The following TMEM164 variants were observed in gnomAD, a reference collection of about 807,000 sequenced individuals.
TMEM164 encodes RP13-360B22.2.
In TMEM164, 4 loss-of-function variants were observed where a neutral mutation model predicts 18.8. The ratio of observed to expected loss-of-function variants is 0.21; its 90% CI spans 0.10 to 0.49. The LOEUF (loss-of-function observed/expected upper bound fraction) is 0.49. Ranked by LOEUF, TMEM164 falls within the 20% of genes least tolerant of loss-of-function variation. TMEM164 has a pLI of 0.98. For missense variants in TMEM164, 108 were observed against 239.9 expected, an observed-to-expected ratio of 0.45 and a Z score of 3.63; for synonymous variants, 86 against 101.7, an observed-to-expected ratio of 0.85 and a Z score of 0.93.
intron 2 of TMEM164, among the ~76,000 whole-genome samples, chrX:110,042,762 T>A (rs1414180240): frequency 8.9e-6 from 1 of 112,405 alleles, no homozygotes; most frequent in African/African-American, 3.2e-5. Context: ...GTTTTGCATT[T>A]CCCTGATGAC....
At chrX:110,181,055 A>G (rs1012819382), downstream of TMEM164, among the ~76,000 whole-genome samples, 5 of 111,410 alleles carry the variant, frequency 4.5e-5, no homozygotes, top group Non-Finnish European at 7.5e-5. Flanking sequence ...CGGCGCTAAC[A>G]AGATACCTCT....
chrX:110,102,694 C>A (rs2066130254), intron 3 of TMEM164, among the ~76,000 whole-genome samples: 1 of 111,896 alleles, frequency 8.9e-6, no homozygotes, highest in African/African-American at 3.3e-5. Flanking sequence ...AATTCTCTAA[C>A]CCTTTCAGTA....
chrX:110,134,409 A>C (rs2066655490), intron 4 of TMEM164, among the ~76,000 whole-genome samples: 1 of 109,594 alleles, frequency 9.1e-6, no homozygotes, highest in Non-Finnish European at 1.9e-5. Context: ...CACACACACA[A>C]AATAGCCAAG....
At chrX:110,162,984 C>G (rs779476212) in intron 5 of TMEM164, among the ~76,000 whole-genome samples, 1 of 112,575 alleles carries the variant, frequency 8.9e-6, no homozygotes, top group African/African-American at 3.2e-5. Flanking sequence ...TTCCACTACT[C>G]CAACTTTAGT....
At chrX:110,060,738 T>C (rs774846380) in intron 2 of TMEM164, among the ~76,000 whole-genome samples, 2 of 111,883 alleles carry the variant, frequency 1.8e-5, no homozygotes, top group South Asian at 7.5e-4. Flanking sequence ...TCTTTGCCTT[T>C]CACAACCTTG....
At chrX:110,024,902 T>C (rs1463838212) in intron 2 of TMEM164, among the ~76,000 whole-genome samples, 2 of 111,884 alleles carry the variant, frequency 1.8e-5, no homozygotes, top group Admixed American at 9.5e-5. Context: ...GATCTTGTAT[T>C]CAGGAACACT....
Position 110,084,868 on chromosome X carries a change from T to A in TMEM164, c.440+17472T>A, listed in dbSNP as rs147329977. On this transcript the variant is annotated intron_variant, in intron 3 of 6. Coordinates refer to ENST00000372068, the MANE Select transcript of TMEM164 (RefSeq NM_032227.4). ...ATTTGATTGATTTTGCTCTCTGCTG[T>A]CTCCAATGTGAAATTTATTTATTTT... Among the ~76,000 whole-genome samples the A allele has an allele frequency of 6.4e-3, 712 of 110,459 alleles. 21 individuals are homozygous for A. Among genetic ancestry groups the A allele is most frequent in the Admixed American group, 0.052 (523 of 10,149 alleles).
intron 4 of TMEM164, among the ~76,000 whole-genome samples, chrX:110,116,833 TG>T (rs2066370981): frequency 9.6e-6 from 1 of 104,478 alleles, no homozygotes. Flanking sequence ...TGTGTGTGTG[TG>T]TGTGTGTGTG....
At chrX:110,040,236 C>A (rs1352954261) in intron 2 of TMEM164, among the ~76,000 whole-genome samples, 5 of 112,310 alleles carry the variant, frequency 4.5e-5, no homozygotes, top group Non-Finnish European at 9.4e-5. Context: ...AAAGTACATT[C>A]CACGGAGAGC....
chrX:110,171,440 C>T lies in TMEM164; in HGVS notation c.607C>T (p.Leu203Phe), dbSNP rs1464025950. 1 of 1,209,225 alleles carries T rather than the reference C, an allele frequency of 8.3e-7. No homozygotes were observed. The highest frequency in any genetic ancestry group is 2.2e-5 in the Admixed American group (1 of 45,975). The stretch of plus-strand genomic sequence containing the variant: ...TCCAGGTGCTTACACTCCAGAGCCC[C>T]TCAGCAGTTTCCGGTGGGCTCTTCT... ...WKGGAYTPEP[L>F]SSFRWALLST... The change falls in exon 6 of 7, where the codon CTC (leucine) becomes TTC (phenylalanine). Residue 203 changes from leucine (L) to phenylalanine (F), a missense_variant. Coordinates refer to ENST00000372068, the MANE Select transcript of TMEM164 (RefSeq NM_032227.4).
intron 2 of TMEM164, among the ~76,000 whole-genome samples, chrX:110,019,939 C>G (rs1933711802): frequency 8.9e-6 from 1 of 112,002 alleles, no homozygotes; most frequent in African/African-American, 3.2e-5. Flanking sequence ...CACTTCCATT[C>G]TTCTCTGAGT....
chrX:110,170,917 G>T (rs1274408583), intron 5 of TMEM164, among the ~76,000 whole-genome samples: 1 of 111,675 alleles, frequency 9.0e-6, no homozygotes, highest in African/African-American at 3.3e-5. Context: ...CACATGGCCC[G>T]TAAGCGGTAG....
intron 2 of TMEM164, among the ~76,000 whole-genome samples, chrX:110,028,935 G>A (rs1934326566): frequency 9.0e-6 from 1 of 111,454 alleles, no homozygotes; most frequent in Non-Finnish European, 1.9e-5. Flanking sequence ...TATTTTTGAG[G>A]TTGTGTTATT....
In TMEM164 at chrX:110,175,884, C is replaced by T; in HGVS notation, c.*2433C>T. The T allele has an allele frequency of 1.3e-6, 1 of 755,924 alleles. No homozygotes were observed. The highest frequency in any genetic ancestry group is 1.6e-6 in the Non-Finnish European group (1 of 639,955). The allele number at this position is 755,924 out of a possible 1,213,427, so 62.3% of individuals were successfully genotyped here. On this transcript the variant is annotated 3_prime_UTR_variant, in exon 7 of 7. Coordinates refer to ENST00000372068, the MANE Select transcript of TMEM164 (RefSeq NM_032227.4). ...AGAAGCAACCCAACCAGACTCTTGGCAGCCTGCCTTACAGGGTAGCCCACC... is the reference window on the plus strand; with the variant it reads ...AGAAGCAACCCAACCAGACTCTTGGTAGCCTGCCTTACAGGGTAGCCCACC...
intron 4 of TMEM164, among the ~76,000 whole-genome samples, chrX:110,123,326 G>A (rs1187729076): frequency 1.8e-5 from 2 of 112,368 alleles, no homozygotes; most frequent in African/African-American, 6.5e-5. Context: ...TAGCTTTGTA[G>A]AAAGCTTTGA....
Position 110,176,366 on chromosome X carries a change from A to G in TMEM164, c.*2915A>G. 2.6e-6 allele frequency: 2 copies of G among 756,538 alleles called. No individual in the cohort carries two copies. The highest frequency in any genetic ancestry group is 7.8e-4 in the Middle Eastern group (2 of 2,565). The allele number at this position is 756,538 out of a possible 1,213,427, so 62.3% of individuals were successfully genotyped here. A position where few individuals can be genotyped will look rare whatever the true frequency, so the allele number is the denominator to read the frequency against. ...TCTGGCCCATCTTCCTCCCAGAGGC[A>G]CAACAGTAACATGTTCCTCTGTCAG... On this transcript the variant is annotated 3_prime_UTR_variant, in exon 7 of 7. Coordinates refer to ENST00000372068, the MANE Select transcript of TMEM164 (RefSeq NM_032227.4).
At position 110,110,798 on chromosome X, in the gene TMEM164, C is replaced by T. The variant is rs569143018; in HGVS notation, c.507+1652C>T. On this transcript the variant is annotated intron_variant, in intron 4 of 6. Coordinates refer to ENST00000372068, the MANE Select transcript of TMEM164 (RefSeq NM_032227.4). ...GAATCACTGTCCCAGGTGTTCGTAA[C>T]TCACAGTTACTCCAAGTGTGTAACT... is the stretch of plus-strand genomic sequence containing the variant. 1.2e-4 allele frequency among the ~76,000 whole-genome samples: 14 copies of T among 112,410 alleles called. No individual in the cohort carries two copies. In the South Asian group the frequency reaches 5.1e-3, roughly 41 times the overall value.
At chrX:110,084,621 CA>C (rs2065825573) in intron 3 of TMEM164, among the ~76,000 whole-genome samples, 2 of 103,851 alleles carry the variant, frequency 1.9e-5, no homozygotes, top group Non-Finnish European at 3.9e-5. Flanking sequence ...GCCTGGTTGA[CA>C]AAGTCAGATC....
At chrX:110,126,380 G>T (rs1478755859) in intron 4 of TMEM164, among the ~76,000 whole-genome samples, 1 of 112,481 alleles carries the variant, frequency 8.9e-6, no homozygotes, top group East Asian at 2.8e-4. Context: ...CCTGCTCTGG[G>T]ACAGTTACAG....
Sources: allele counts gnomAD v4.1 joint callset (sites outside exome capture counted in the v4.1 genomes callset), GRCh38; gene constraint gnomAD v4.1.1; transcripts MANE v1.5; gene names NCBI Gene and HGNC (gene_info 2026-07-23, HGNC 2026-07-21).